The following SACS variants were observed in gnomAD, a reference collection of about 807,000 sequenced individuals.
The protein encoded by SACS is sacsin.
In SACS, 197 loss-of-function variants were observed where a neutral mutation model predicts 348.0. That is an observed-to-expected ratio of 0.57 (90% CI 0.50 to 0.64). SACS has a LOEUF of 0.64. SACS is among the 30% of genes least tolerant of loss of function. The pLI is 0.00. For missense variants in SACS, 4,999 were observed against 5,360.8 expected (o/e 0.93, Z 2.11); for synonymous variants, 1,985 against 1,910.6 (o/e 1.04, Z -1.02).
chr13:23,414,764 A>T (rs901593702), intron 1 of SACS, among the ~76,000 whole-genome samples: 1 of 152,234 alleles, frequency 6.6e-6, no homozygotes, highest in Admixed American at 6.5e-5. Context: ...ACTGTTATCA[A>T]TCACATTTAT....
In SACS at chr13:23,374,625, A is replaced by G. The variant is rs113699962; in HGVS notation, c.171+494T>C. 6.2e-3 allele frequency among the ~76,000 whole-genome samples: 939 copies of G among 152,302 alleles called. 11 individuals are homozygous for G. Among genetic ancestry groups the G allele is most frequent in the African/African-American group, 0.021 (881 of 41,560 alleles). On this transcript the variant is annotated intron_variant, in intron 3 of 9. Transcript: ENST00000382292. ...TTCTGACCTATCAAGTCAACCTATC[A>G]CTTGAACTTTAAAAGTTTTAGTATG... is the stretch of plus-strand genomic sequence containing the variant.
chr13:23,329,652 A>G lies in SACS; in HGVS notation c.*484T>C, dbSNP rs4770433. Reference sequence around the variant, plus strand: ...ATAAAATTACAACAAATTCATGATCAGAGCCAGCTGATGAGAAAATAACGC... The same window carrying G: ...ATAAAATTACAACAAATTCATGATCGGAGCCAGCTGATGAGAAAATAACGC... On this transcript the variant is annotated 3_prime_UTR_variant, in exon 10 of 10. Coordinates refer to ENST00000382292, the MANE Select transcript of SACS (RefSeq NM_014363.6). 215,234 of 525,070 alleles carry G rather than the reference A, an allele frequency of 0.41. 46,198 individuals are homozygous for G. The highest frequency in any genetic ancestry group is 0.44 in the Non-Finnish European group (133,768 of 302,110). The allele number at this position is 525,070 out of a possible 1,614,324, so 32.5% of individuals were successfully genotyped here.
At position 23,337,647 on chromosome 13, in the gene SACS, T is replaced by C; in HGVS notation, c.6229A>G (p.Met2077Val). 1 of 1,613,642 alleles carries C rather than the reference T, an allele frequency of 6.2e-7. No homozygotes were observed. The highest frequency in any genetic ancestry group is 8.5e-7 in the Non-Finnish European group (1 of 1,179,858). ...EIEAELRDPL[M>V]IFVLNEKVDE... ...ACTTTTTCATTTAGAACAAAGATCA[T>C]TAAAGGATCTCTAAGTTCTGCTTCA... Residue 2077 changes from methionine (M) to valine (V), a missense_variant, in exon 10 of 10, where the codon ATG becomes GTG. Physicochemically the swap from Met to Val is conservative, Grantham distance 21. Coordinates refer to ENST00000382292, the MANE Select transcript of SACS (RefSeq NM_014363.6).
In SACS at chr13:23,330,834, C is replaced by T. The variant is rs1050743756; in HGVS notation, c.13042G>A (p.Ala4348Thr). ...TGCAAATGTTTAAAAACTTCATTGG[C>T]AATGTCATGGTTCTCTGGATTTTTG... Reference protein sequence around the residue: ...PDKNPENHDIANEVFKHLQNE... With the variant: ...PDKNPENHDITNEVFKHLQNE... The change falls in exon 10 of 10, where the codon GCC (alanine) becomes ACC (threonine). Residue 4348 changes from alanine to threonine, a missense_variant. Ala to Thr is a moderately conservative substitution (Grantham distance 58, BLOSUM62 0). Around this residue, in one of 6 missense-constraint regions of SACS, gnomAD observed 254 missense variants for 275.1 expected, o/e 0.92. Coordinates refer to ENST00000382292, the MANE Select transcript of SACS (RefSeq NM_014363.6). The T allele has an allele frequency of 1.2e-6, 2 of 1,613,962 alleles. No homozygotes were observed. Among genetic ancestry groups the T allele is most frequent in the African/African-American group, 2.7e-5 (2 of 74,898 alleles).
chr13:23,332,742 T>A lies in SACS; in HGVS notation c.11134A>T (p.Thr3712Ser), dbSNP rs1192145183. The part of the protein sequence containing the change: ...TSCPILPEKA[T>S]PLSIKEQEGS... ...TCTTGTTCTTTAATGCTTAAGGGTG[T>A]AGCTTTCTCTGGAAGAATAGGGCAG... is the stretch of plus-strand genomic sequence containing the variant. The change falls in exon 10 of 10, where the codon ACA becomes TCA. Residue 3712 changes from threonine (T) to serine (S), a missense_variant. By Grantham distance (58) the Thr-to-Ser change is moderately conservative. Around this residue, in one of 6 missense-constraint regions of SACS, gnomAD observed 831 missense variants for 941.8 expected, o/e 0.88. Coordinates refer to ENST00000382292, the MANE Select transcript of SACS (RefSeq NM_014363.6). The A allele has an allele frequency of 6.2e-7, 1 of 1,614,048 alleles. No individual in the cohort carries two copies. Among genetic ancestry groups the A allele is most frequent in the South Asian group, 1.1e-5 (1 of 91,080 alleles).
intron 1 of SACS, among the ~76,000 whole-genome samples, chr13:23,419,939 C>T (rs1008995535): frequency 1.3e-5 from 2 of 152,156 alleles, no homozygotes; most frequent in African/African-American, 4.8e-5. Flanking sequence ...CCCATGGAAC[C>T]TGATGTCACT....
chr13:23,419,583 C>T (rs1700926546), intron 1 of SACS, among the ~76,000 whole-genome samples: 1 of 152,098 alleles, frequency 6.6e-6, no homozygotes, highest in Non-Finnish European at 1.5e-5. Context: ...TGCGTGGTTG[C>T]CTTTTTCTCT....
At chr13:23,402,770 G>A (rs1430145865) in intron 2 of SACS, among the ~76,000 whole-genome samples, 4 of 152,132 alleles carry the variant, frequency 2.6e-5, no homozygotes, top group Non-Finnish European at 5.9e-5. Flanking sequence ...TTTTCTGGCA[G>A]GCCCAGGAAC....
chr13:23,390,048 A>G (rs540647604), intron 2 of SACS, among the ~76,000 whole-genome samples: 1 of 152,070 alleles, frequency 6.6e-6, no homozygotes, highest in South Asian at 2.1e-4. Context: ...TATTCACTCT[A>G]CAAGGGTTTA....
At position 23,355,638 on chromosome 13, in the gene SACS, C is replaced by T. The variant is rs779728141; in HGVS notation, c.974G>A (p.Gly325Glu). The part of the protein sequence containing the change: ...DVSLYVREAD[G>E]TEKLVFRVTS... Reference sequence around the variant, plus strand: ...CACTCTAAACACCAGTTTCTCTGTTCCGTCAGCCTCTCGGACATATAAGGA... The same window carrying T: ...CACTCTAAACACCAGTTTCTCTGTTTCGTCAGCCTCTCGGACATATAAGGA... Residue 325 changes from glycine (G) to glutamate (E), a missense_variant, in exon 8 of 10, where the codon GGA becomes GAA. This residue lies in a region of SACS where 3,156 missense variants were observed against 3,380.1 expected (regional missense o/e 0.93). Coordinates refer to ENST00000382292, the MANE Select transcript of SACS (RefSeq NM_014363.6). 12 of 1,614,148 alleles carry T rather than the reference C, an allele frequency of 7.4e-6. No homozygotes were observed. The South Asian group carries it at 8.8e-5, about 12-fold the overall frequency.
chr13:23,377,560 G>A (rs546695478), intron 2 of SACS, among the ~76,000 whole-genome samples: 1 of 152,170 alleles, frequency 6.6e-6, no homozygotes, highest in South Asian at 2.1e-4. Flanking sequence ...TCCATCCAGT[G>A]CCCTCCACTT....
At chr13:23,414,795 T>C (rs1025828286) in intron 1 of SACS, among the ~76,000 whole-genome samples, 1 of 152,218 alleles carries the variant, frequency 6.6e-6, no homozygotes, top group African/African-American at 2.4e-5. Context: ...TCTAACAGAA[T>C]AGGATGATTC....
In SACS at chr13:23,355,720, A is replaced by C; in HGVS notation, c.892T>G (p.Ser298Ala). ...ACTGTGTCTGCATCTGCCCTAAAAG[A>C]CTCAAACAACTCAAGAACCTTCTGC... is the stretch of plus-strand genomic sequence containing the variant. ...NKQKVLELFE[S>A]FRADADTVLL... is the part of the protein sequence containing the mutation. The change falls in exon 8 of 10, where the codon TCT becomes GCT. Residue 298 changes from serine (S) to alanine (A), a missense_variant. Ser to Ala is a moderately conservative substitution (Grantham distance 99, BLOSUM62 1). Transcript: ENST00000382292. 8 of 1,614,168 alleles carry C rather than the reference A, an allele frequency of 5.0e-6. No individual in the cohort carries two copies. Among genetic ancestry groups the C allele is most frequent in the Non-Finnish European group, 6.8e-6 (8 of 1,180,036 alleles).
Position 23,340,684 on chromosome 13 carries a change from G to T in SACS, c.3192C>A (p.Leu1064=). 1 of 1,593,556 alleles carries T rather than the reference G, an allele frequency of 6.3e-7. No individual in the cohort carries two copies. Among genetic ancestry groups the T allele is most frequent in the Non-Finnish European group, 8.5e-7 (1 of 1,173,110 alleles). The change falls in exon 10 of 10, where the codon CTC becomes CTA. Residue 1064 remains leucine (L), a synonymous_variant. Transcript: ENST00000382292. ...FDPDIEVLKD[L]FCNEEGTYFP... ...AATAGGTTCCTTCTTCATTACAAAA[G>T]AGATCCTTTAGTACTTCTATATCAG... is the stretch of plus-strand genomic sequence containing the variant.
Position 23,331,750 on chromosome 13 carries a change from T to C in SACS, c.12126A>G (p.Arg4042=). 1 of 1,614,014 alleles carries C rather than the reference T, an allele frequency of 6.2e-7. No individual in the cohort carries two copies. Among genetic ancestry groups the C allele is most frequent in the Non-Finnish European group, 8.5e-7 (1 of 1,179,958 alleles). ...EKAIRLCKAL[R]EGLKVSCFEK... ...CAAAGCAGGATACTTTCAATCCTTC[T>C]CTTAGGGCTTTGCAAAGTCTTATGG... The change falls in exon 10 of 10, where the codon AGA becomes AGG. Residue 4042 remains arginine, a synonymous_variant. Transcript: ENST00000382292.
intron 9 of SACS, among the ~76,000 whole-genome samples, chr13:23,348,200 T>C (rs367710794): frequency 6.6e-6 from 1 of 152,178 alleles, no homozygotes; most frequent in East Asian, 1.9e-4. Context: ...ACAAAAATCA[T>C]AGCTTCAACT....
intron 9 of SACS, among the ~76,000 whole-genome samples, chr13:23,342,497 T>C (rs1869331991): frequency 6.6e-6 from 1 of 152,228 alleles, no homozygotes; most frequent in Non-Finnish European, 1.5e-5. Flanking sequence ...CGGACTCTTT[T>C]GGACTTTGGA....
chr13:23,400,657 T>A (rs1477839956), intron 2 of SACS, among the ~76,000 whole-genome samples: 8 of 152,164 alleles, frequency 5.3e-5, no homozygotes, highest in African/African-American at 1.7e-4. Context: ...CCTGACCTCG[T>A]GATCCGCCCG....
chr13:23,352,253 A>G (rs927503410), intron 9 of SACS, among the ~76,000 whole-genome samples: 1 of 152,228 alleles, frequency 6.6e-6, no homozygotes, highest in Non-Finnish European at 1.5e-5. Context: ...ACAGTAAAAT[A>G]CCGTAACAAT....
Sources: gnomAD v4.1 joint callset for allele counts (sites outside exome capture counted in the v4.1 genomes callset) on GRCh38, gnomAD v4.1.1 for gene constraint, gnomAD v4.1.1 regional missense constraint, MANE v1.5 for transcripts, NCBI Gene and HGNC (gene_info 2026-07-23, HGNC 2026-07-21) for gene names.